The following KITLG variants were observed in gnomAD, a reference collection of about 807,000 sequenced individuals.
KITLG encodes the protein KIT ligand, also known as c-Kit ligand.
KITLG carries 13 observed loss-of-function variants against 34.1 expected under a neutral mutation model. The observed-to-expected ratio is 0.38, with a 90% CI of 0.25 to 0.61. The LOEUF (loss-of-function observed/expected upper bound fraction) is 0.61, where lower values mean the gene tolerates loss of function less well. Among genes scored for constraint, KITLG ranks in the 20% least tolerant of loss-of-function variants. The pLI, the probability that KITLG is intolerant of heterozygous loss-of-function variation, is 0.60. For synonymous variants in KITLG, 110 were observed against 104.0 expected, an observed-to-expected ratio of 1.06 and a Z score of -0.35; for missense variants, 292 against 318.9, an observed-to-expected ratio of 0.92 and a Z score of 0.64.
intron 1 of KITLG, among the ~76,000 whole-genome samples, chr12:88,564,572 C>T (rs1219174650): frequency 6.6e-6 from 1 of 152,092 alleles, no homozygotes; most frequent in African/African-American, 2.4e-5. Context: ...TCATTGCTCA[C>T]CATTTGTGTG....
intron 2 of KITLG, among the ~76,000 whole-genome samples, chr12:88,543,105 C>T (rs920653077): frequency 2.0e-5 from 3 of 151,980 alleles, no homozygotes; most frequent in African/African-American, 7.2e-5. Flanking sequence ...TCCCAGGCAC[C>T]TGTAATTTTT....
intron 3 of KITLG, among the ~76,000 whole-genome samples, chr12:88,527,189 C>A (rs916531288): frequency 6.6e-6 from 1 of 152,062 alleles, no homozygotes; most frequent in African/African-American, 2.4e-5. Flanking sequence ...GTCTTGGAGG[C>A]CTTGTTGAAG....
chr12:88,537,681 A>G (rs1870378414), intron 2 of KITLG, among the ~76,000 whole-genome samples: 1 of 152,150 alleles, frequency 6.6e-6, no homozygotes, highest in Non-Finnish European at 1.5e-5. Flanking sequence ...ATCTGAAAAA[A>G]AAAAATGAAA....
chr12:88,577,690 A>T (rs1183535493), intron 1 of KITLG, among the ~76,000 whole-genome samples: 1 of 152,208 alleles, frequency 6.6e-6, no homozygotes, highest in African/African-American at 2.4e-5. Context: ...AACTGTGCTT[A>T]AATTTATTGC....
In KITLG at chr12:88,516,462, T is replaced by A. The variant is rs1327537457; in HGVS notation, c.392A>T (p.Glu131Val). The change falls in exon 5 of 10, where the codon GAA becomes GTA. Residue 131 changes from glutamate (E) to valine (V), a missense_variant. By Grantham distance (121) the Glu-to-Val change is moderately radical (BLOSUM62 -2). This residue lies in a region of KITLG where 152 missense variants were observed against 207.9 expected (regional missense o/e 0.73). Coordinates refer to ENST00000644744, the MANE Select transcript of KITLG (RefSeq NM_000899.5). ...KDLKKSFKSPEPRLFTPEEFF... is the reference protein window; with the variant it reads ...KDLKKSFKSPVPRLFTPEEFF... Reference sequence around the variant, plus strand: ...TTCTTCAGGAGTAAAGAGCCTGGGTTCTGGGCTCTTGAATGATTTTTTTAG... The same window carrying A: ...TTCTTCAGGAGTAAAGAGCCTGGGTACTGGGCTCTTGAATGATTTTTTTAG... 1 of 1,603,528 alleles carries A rather than the reference T, an allele frequency of 6.2e-7. No individual in the cohort carries two copies. The highest frequency in any genetic ancestry group is 1.1e-5 in the South Asian group (1 of 89,516).
chr12:88,526,258 T>G (rs1269981263), intron 3 of KITLG, among the ~76,000 whole-genome samples: 3 of 152,198 alleles, frequency 2.0e-5, no homozygotes, highest in African/African-American at 4.8e-5. Context: ...TTAAAGAAGC[T>G]GTGATTCCCC....
At chr12:88,579,301 G>A (rs528063971) in intron 1 of KITLG, among the ~76,000 whole-genome samples, 3 of 152,066 alleles carry the variant, frequency 2.0e-5, no homozygotes, top group Non-Finnish European at 4.4e-5. Context: ...CAGAACCTCT[G>A]GGGGGTGAAA....
intron 2 of KITLG, among the ~76,000 whole-genome samples, chr12:88,538,938 T>A (rs111941832): frequency 6.6e-5 from 10 of 152,166 alleles, no homozygotes; most frequent in South Asian, 4.1e-4. Flanking sequence ...ACTGTCTTCT[T>A]TGGATGTCTT....
rs1460816764 is a variant in KITLG, at chr12:88,495,177, A to G, written c.*2042T>C. The G allele has an allele frequency of 6.6e-6, 1 of 152,068 alleles. No homozygotes were observed. Among genetic ancestry groups the G allele is most frequent in the Non-Finnish European group, 1.5e-5 (1 of 67,974 alleles). The allele number at this position is 152,068 out of a possible 1,614,324, so 9.4% of individuals were successfully genotyped here. A position where few individuals can be genotyped will look rare whatever the true frequency, so the allele number is the denominator to read the frequency against. On this transcript the variant is annotated 3_prime_UTR_variant, in exon 10 of 10. Transcript: ENST00000644744. ...TAAAACCCAGCTACTAGGTTTGAGG[A>G]CAAAAGTACACATTTATTATACTCT... is the stretch of plus-strand genomic sequence containing the variant.
intron 1 of KITLG, among the ~76,000 whole-genome samples, chr12:88,559,554 GTT>G (rs1045581129): frequency 6.6e-5 from 10 of 152,086 alleles, no homozygotes; most frequent in South Asian, 6.2e-4. Flanking sequence ...TATATCCCAG[GTT>G]TCAATCAGGC....
intron 1 of KITLG, among the ~76,000 whole-genome samples, chr12:88,552,070 A>G (rs894119222): frequency 6.6e-6 from 1 of 152,126 alleles, no homozygotes; most frequent in Non-Finnish European, 1.5e-5. Context: ...TGCAAAAGAG[A>G]AAGAAATAGA....
At chr12:88,521,470 CTT>C (rs1869657926) in intron 3 of KITLG, among the ~76,000 whole-genome samples, 1 of 152,016 alleles carries the variant, frequency 6.6e-6, no homozygotes, top group Admixed American at 6.6e-5. Flanking sequence ...TACAAACGTA[CTT>C]TTTGTTTGCC....
chr12:88,533,787 G>A (rs1037436557), intron 2 of KITLG, among the ~76,000 whole-genome samples: 5 of 151,978 alleles, frequency 3.3e-5, no homozygotes, highest in Admixed American at 3.3e-4. Context: ...TTTTCTGTAT[G>A]ATTCTGCTTG....
rs1172931316 is a variant in KITLG, at chr12:88,513,388, TA to T, written c.604+2145del. Among the ~76,000 whole-genome samples, 3 of 151,514 alleles carry T rather than the reference TA, an allele frequency of 2.0e-5. No individual in the cohort carries two copies. In the East Asian group the frequency reaches 5.8e-4, roughly 29 times the overall value. On this transcript the variant is annotated intron_variant, in intron 6 of 9. Coordinates refer to ENST00000644744, the MANE Select transcript of KITLG (RefSeq NM_000899.5). ...AAGGTCAATACACAAATGGGACAGATAAAAAACAAGTAAGGAAATGGTGGAT... is the reference window on the plus strand; with the variant it reads ...AAGGTCAATACACAAATGGGACAGATAAAAACAAGTAAGGAAATGGTGGAT...
chr12:88,568,280 C>CATTTATTTATTT (rs59218602), intron 1 of KITLG, among the ~76,000 whole-genome samples: 55 of 147,110 alleles, frequency 3.7e-4, no homozygotes, highest in African/African-American at 1.2e-3. Context: ...CATATTATCT[C>CATTTATTTATTT]ATTTATTTAT....
At chr12:88,526,651 G>C (rs1869878043) in intron 3 of KITLG, among the ~76,000 whole-genome samples, 1 of 152,246 alleles carries the variant, frequency 6.6e-6, no homozygotes, top group Middle Eastern at 3.4e-3. Context: ...ACTCTGAGGA[G>C]TGCGATGAGA....
At chr12:88,505,478 A>G (rs41306431) in intron 8 of KITLG, among the ~76,000 whole-genome samples, 1 of 152,200 alleles carries the variant, frequency 6.6e-6, no homozygotes, top group Non-Finnish European at 1.5e-5. Context: ...CATACCAAGC[A>G]TGCCTATATG....
chr12:88,510,946 C>T lies in KITLG; in HGVS notation c.605-3809G>A, dbSNP rs374709992. Among the ~76,000 whole-genome samples the T allele has an allele frequency of 5.3e-5, 8 of 152,248 alleles. No homozygotes were observed. In the East Asian group the frequency reaches 5.8e-4, roughly 11 times the overall value. ...TACTGTACTATGAGTATTTTATTTA[C>T]GTCTGTTTCTCTCTGAATGTTAGCA... On this transcript the variant is annotated intron_variant, in intron 6 of 9. Transcript: ENST00000644744.
intron 1 of KITLG, among the ~76,000 whole-genome samples, chr12:88,565,271 T>C (rs1314031284): frequency 6.6e-6 from 1 of 152,152 alleles, no homozygotes; most frequent in Admixed American, 6.6e-5. Flanking sequence ...TGAGTGTGGG[T>C]GAGCTGGGAA....
Sources: gnomAD v4.1 joint callset for allele counts (sites outside exome capture counted in the v4.1 genomes callset) on GRCh38, gnomAD v4.1.1 for gene constraint, gnomAD v4.1.1 regional missense constraint, MANE v1.5 for transcripts, NCBI Gene and HGNC (gene_info 2026-07-23, HGNC 2026-07-21) for gene names.